RAB7A: variants seen among roughly 807,000 people sequenced by gnomAD.
The protein encoded by RAB7A is ras-related protein Rab-7a.
Under a neutral mutation model 24.5 loss-of-function variants are expected in RAB7A, and 2 were observed. The ratio of observed to expected loss-of-function variants is 0.08; its 90% CI spans 0.03 to 0.26. The LOEUF is 0.26. Among genes scored for constraint, RAB7A ranks in the 10% least tolerant of loss-of-function variants. The pLI, the probability that RAB7A is intolerant of heterozygous loss-of-function variation, is 1.00. For missense variants in RAB7A, 118 were observed against 255.7 expected (o/e 0.46, Z 3.67); for synonymous variants, 100 against 95.9 (o/e 1.04, Z -0.25).
intron 1 of RAB7A, among the ~76,000 whole-genome samples, chr3:128,728,678 T>C (rs2070404491): frequency 6.6e-6 from 1 of 152,126 alleles, no homozygotes; most frequent in South Asian, 2.1e-4. Flanking sequence ...GTCAGGCTGG[T>C]CTCGAACTGC....
chr3:128,792,841 A>G (rs1167863584), intron 1 of RAB7A, among the ~76,000 whole-genome samples: 1 of 145,464 alleles, frequency 6.9e-6, no homozygotes, highest in Non-Finnish European at 1.5e-5. Context: ...TTATTTATTT[A>G]TTTATTTATT....
chr3:128,750,771 GA>G (rs1309840374), intron 1 of RAB7A, among the ~76,000 whole-genome samples: 1 of 152,216 alleles, frequency 6.6e-6, no homozygotes, highest in Non-Finnish European at 1.5e-5. Context: ...AGACAATGGG[GA>G]AAATGTCTCC....
At chr3:128,737,828 T>G (rs1382128867) in intron 1 of RAB7A, among the ~76,000 whole-genome samples, 4 of 65,764 alleles carry the variant, frequency 6.1e-5, no homozygotes, top group East Asian at 2.6e-4. Context: ...TTTTGTAGTT[T>G]TTTTTTTTTT....
chr3:128,813,585 TCACACACACACACACACGCA>T lies in RAB7A; in HGVS notation c.*178_*197del. Reference sequence around the variant, plus strand: ...AACACAGTTACACCCCACATATCTCTCACACACACACACACACGCACACACACACACACAGATCTGACGTA... The same window carrying T: ...AACACAGTTACACCCCACATATCTCTCACACACACACACAGATCTGACGTA... On this transcript the variant is annotated 3_prime_UTR_variant, in exon 6 of 6. Coordinates refer to ENST00000265062, the MANE Select transcript of RAB7A (RefSeq NM_004637.6). 1.6e-6 allele frequency: 1 copy of T among 630,172 alleles called. No individual in the cohort carries two copies. The highest frequency in any genetic ancestry group is 1.6e-5 in the South Asian group (1 of 62,024). The allele number at this position is 630,172 out of a possible 1,614,324, so 39.0% of individuals were successfully genotyped here.
intron 1 of RAB7A, among the ~76,000 whole-genome samples, chr3:128,731,835 G>A (rs952838075): frequency 9.2e-5 from 14 of 151,736 alleles, no homozygotes; most frequent in Admixed American, 7.9e-4. Context: ...GTGAAACCCC[G>A]TCTATACTAA....
chr3:128,765,095 G>T (rs1196715209), intron 1 of RAB7A: 2 of 823,696 alleles, frequency 2.4e-6, no homozygotes, highest in Non-Finnish European at 4.0e-6. Context: ...TGGTCCGAGG[G>T]TGCAGTGAAG....
intron 1 of RAB7A, among the ~76,000 whole-genome samples, chr3:128,755,774 T>A (rs954662441): frequency 1.3e-5 from 2 of 152,232 alleles, no homozygotes; most frequent in African/African-American, 4.8e-5. Flanking sequence ...GTAATGATTT[T>A]TTTTAAATTA....
At chr3:128,738,614 T>C (rs1444854913) in intron 1 of RAB7A, among the ~76,000 whole-genome samples, 1 of 152,210 alleles carries the variant, frequency 6.6e-6, no homozygotes, top group Non-Finnish European at 1.5e-5. Context: ...GTGTTCTTTT[T>C]ACTGAATCCC....
chr3:128,796,560 G>A lies in RAB7A; in HGVS notation c.53+1140G>A, dbSNP rs564835778. 4.6e-5 allele frequency among the ~76,000 whole-genome samples: 7 copies of A among 152,300 alleles called. No individual in the cohort carries two copies. In the South Asian group the frequency reaches 8.3e-4, roughly 18 times the overall value. On this transcript the variant is annotated intron_variant, in intron 2 of 5. Coordinates refer to ENST00000265062, the MANE Select transcript of RAB7A (RefSeq NM_004637.6). Reference sequence around the variant, plus strand: ...TGTATTTTTAAAAATAACAACAATAGCAAATGCAGGTATGCTTCTTTATTC... The same window carrying A: ...TGTATTTTTAAAAATAACAACAATAACAAATGCAGGTATGCTTCTTTATTC...
intron 5 of RAB7A, among the ~76,000 whole-genome samples, chr3:128,811,267 C>T (rs915806195): frequency 4.6e-5 from 7 of 152,118 alleles, no homozygotes; most frequent in African/African-American, 1.7e-4. Flanking sequence ...GGTAGGACTA[C>T]AGGCACACCC....
At chr3:128,795,235 A>C in intron 1 of RAB7A, 125 bp from the exon 2 acceptor site, 1 of 811,196 alleles carries the variant, frequency 1.2e-6, no homozygotes. Context: ...TGGTGGAAGG[A>C]AGATACCTAG....
At chr3:128,763,109 T>C (rs1186339612) in intron 1 of RAB7A, among the ~76,000 whole-genome samples, 2 of 151,374 alleles carry the variant, frequency 1.3e-5, no homozygotes, top group Non-Finnish European at 2.9e-5. Flanking sequence ...GGTGCATCTT[T>C]TGATGTTTAA....
intron 1 of RAB7A, among the ~76,000 whole-genome samples, chr3:128,771,862 A>T (rs1167592741): frequency 6.6e-6 from 1 of 152,068 alleles, no homozygotes; most frequent in African/African-American, 2.4e-5. Flanking sequence ...ATTCTGACCA[A>T]CCTTTGTGTA....
At position 128,764,639 on chromosome 3, in the gene RAB7A, C is replaced by T. The variant is rs557566225; in HGVS notation, c.-8-30721C>T. 5.8e-5 allele frequency: 61 copies of T among 1,050,332 alleles called. No individual in the cohort carries two copies. In the African/African-American group the frequency reaches 8.8e-4, roughly 15 times the overall value. 65.1% of individuals were successfully genotyped at this position (1,050,332 alleles called of 1,614,324 possible). On this transcript the variant is annotated intron_variant, in intron 1 of 5. Transcript: ENST00000265062. ...TCAATGAAGTCACACAAATGGGGGT[C>T]ATTTTTGTCAGTGGCTAGTTTGTGC...
intron 1 of RAB7A, among the ~76,000 whole-genome samples, chr3:128,748,264 G>A (rs1013336710): frequency 6.6e-6 from 1 of 152,200 alleles, no homozygotes; most frequent in African/African-American, 2.4e-5. Context: ...TGAGTGGAGG[G>A]GGTTATGTTA....
At chr3:128,729,148 C>A (rs913585518) in intron 1 of RAB7A, among the ~76,000 whole-genome samples, 1 of 152,004 alleles carries the variant, frequency 6.6e-6, no homozygotes, top group African/African-American at 2.4e-5. Context: ...TTTTTTAGTG[C>A]CAACTGTGTC....
intron 3 of RAB7A, among the ~76,000 whole-genome samples, 198 bp from the exon 4 acceptor site, chr3:128,806,174 A>AC (rs1269417356): frequency 6.6e-6 from 1 of 152,232 alleles, no homozygotes; most frequent in African/African-American, 2.4e-5. Flanking sequence ...GCTTATAGAC[A>AC]GACACATACT....
At chr3:128,733,170 ACC>A (rs2070455114) in intron 1 of RAB7A, among the ~76,000 whole-genome samples, 1 of 152,152 alleles carries the variant, frequency 6.6e-6, no homozygotes, top group South Asian at 2.1e-4. Context: ...ATTTTTATAA[ACC>A]CAGAGGCCCT....
chr3:128,764,770 A>G, intron 1 of RAB7A: 1 of 823,046 alleles, frequency 1.2e-6, no homozygotes, highest in Non-Finnish European at 2.1e-6. Flanking sequence ...GATATCCTGA[A>G]GGAAGATTTG....
Sources: gnomAD v4.1 joint callset for allele counts (sites outside exome capture counted in the v4.1 genomes callset) on GRCh38, gnomAD v4.1.1 for gene constraint, MANE v1.5 for transcripts, NCBI Gene and HGNC (gene_info 2026-07-23, HGNC 2026-07-21) for gene names.